Variants in B3GALT1 observed in about 807,000 individuals in gnomAD.
The protein encoded by B3GALT1 is UDP-Gal:betaGlcNAc beta 1,3-galactosyltransferase, polypeptide 1.
In B3GALT1, 10 loss-of-function variants were observed where a neutral mutation model predicts 23.2. That is an observed-to-expected ratio of 0.43 (90% CI 0.27 to 0.73). The LOEUF (loss-of-function observed/expected upper bound fraction) is 0.73, where lower values mean the gene tolerates loss of function less well. Among genes scored for constraint, B3GALT1 ranks in the 30% least tolerant of loss-of-function variants. B3GALT1 has a pLI of 0.21. For missense variants in B3GALT1, 299 were observed against 405.4 expected (o/e 0.74, Z 2.25); for synonymous variants, 156 against 141.5 (o/e 1.10, Z -0.73).
Position 167,670,771 on chromosome 2 carries a change from T to C in B3GALT1, c.-352+23805T>C, listed in dbSNP as rs1294894271. Among the ~76,000 whole-genome samples, 4 of 151,886 alleles carry C rather than the reference T, an allele frequency of 2.6e-5. No homozygotes were observed. In the East Asian group the frequency reaches 7.7e-4, roughly 29 times the overall value. On this transcript the variant is annotated intron_variant, in intron 3 of 4. Coordinates refer to ENST00000392690, the MANE Select transcript of B3GALT1 (RefSeq NM_020981.4). ...AGAGTAAGTGAAATAAAAAATACAA[T>C]AGAGAGCTTTAATAGCAGGCTAAAT... is the stretch of plus-strand genomic sequence containing the variant.
chr2:167,719,559 T>C lies in B3GALT1; in HGVS notation c.-352+72593T>C, dbSNP rs866769126. On this transcript the variant is annotated intron_variant, in intron 3 of 4. Transcript: ENST00000392690. ...TTATACCTGCAGAGGAAAAGCTTGT[T>C]GGTCACTAGATACAACTGCTTTGTT... 6.6e-5 allele frequency among the ~76,000 whole-genome samples: 10 copies of C among 152,340 alleles called. 1 individual carries two copies. The highest frequency in any genetic ancestry group is 6.8e-3 in the Middle Eastern group (2 of 294).
At chr2:167,689,818 C>T (rs1686681382) in intron 3 of B3GALT1, among the ~76,000 whole-genome samples, 1 of 152,048 alleles carries the variant, frequency 6.6e-6, no homozygotes, top group Non-Finnish European at 1.5e-5. Context: ...ACAGGATCTG[C>T]TGTTGCATTG....
At chr2:167,378,907 A>G (rs879837994) in intron 1 of B3GALT1, among the ~76,000 whole-genome samples, 4 of 152,172 alleles carry the variant, frequency 2.6e-5, no homozygotes, top group South Asian at 2.1e-4. Flanking sequence ...CAAGGTGCCA[A>G]AATACTTGCA....
chr2:167,361,033 A>G (rs1174924641), intron 1 of B3GALT1, among the ~76,000 whole-genome samples: 3 of 152,160 alleles, frequency 2.0e-5, no homozygotes, highest in African/African-American at 7.2e-5. Context: ...AAAAGATCAC[A>G]GGATTTCATT....
intron 2 of B3GALT1, among the ~76,000 whole-genome samples, chr2:167,549,558 A>G (rs192992390): frequency 1.3e-5 from 2 of 152,264 alleles, no homozygotes; most frequent in Non-Finnish European, 2.9e-5. Flanking sequence ...TCTTACCTAC[A>G]TCTTTATGAA....
chr2:167,697,538 G>A (rs1462358719), intron 3 of B3GALT1, among the ~76,000 whole-genome samples: 1 of 152,166 alleles, frequency 6.6e-6, no homozygotes. Context: ...TCACTTACAA[G>A]GAGTTTGTCA....
At chr2:167,375,349 G>A (rs958917964) in intron 1 of B3GALT1, among the ~76,000 whole-genome samples, 2 of 151,896 alleles carry the variant, frequency 1.3e-5, no homozygotes, top group Non-Finnish European at 2.9e-5. Context: ...ATGAATTTTA[G>A]CATAGTTTTT....
chr2:167,866,588 C>T (rs1470256613), intron 4 of B3GALT1, among the ~76,000 whole-genome samples: 4 of 152,106 alleles, frequency 2.6e-5, no homozygotes, highest in Admixed American at 2.0e-4. Flanking sequence ...GTGAAATGAA[C>T]TCTGTAGACA....
chr2:167,553,077 T>C (rs754716447), intron 2 of B3GALT1, among the ~76,000 whole-genome samples: 4 of 152,184 alleles, frequency 2.6e-5, no homozygotes, highest in Non-Finnish European at 4.4e-5. Flanking sequence ...ATCATCATCA[T>C]TAAAATATTT....
intron 1 of B3GALT1, among the ~76,000 whole-genome samples, chr2:167,329,115 A>G (rs1696935999): frequency 6.6e-6 from 1 of 152,158 alleles, no homozygotes; most frequent in Non-Finnish European, 1.5e-5. Flanking sequence ...GCCTGGTCAC[A>G]GTCTTTATAC....
intron 2 of B3GALT1, among the ~76,000 whole-genome samples, chr2:167,563,135 A>G (rs903207777): frequency 3.3e-5 from 5 of 151,728 alleles, no homozygotes; most frequent in Non-Finnish European, 5.9e-5. Flanking sequence ...CGCCATTGTC[A>G]TCATGGCCCG....
At chr2:167,350,847 T>C (rs1352938752) in intron 1 of B3GALT1, among the ~76,000 whole-genome samples, 1 of 152,244 alleles carries the variant, frequency 6.6e-6, no homozygotes, top group East Asian at 1.9e-4. Flanking sequence ...GGTATGCATG[T>C]TGACTGTTCT....
At chr2:167,803,727 T>G (rs542338682) in intron 3 of B3GALT1, among the ~76,000 whole-genome samples, 10 of 152,140 alleles carry the variant, frequency 6.6e-5, no homozygotes, top group Admixed American at 2.6e-4. Flanking sequence ...GAAAGAACAT[T>G]CAGTCCATTT....
intron 3 of B3GALT1, among the ~76,000 whole-genome samples, chr2:167,739,927 C>CAA (rs1291441484): frequency 1.4e-3 from 93 of 66,230 alleles, no homozygotes; most frequent in East Asian, 2.1e-3. Context: ...GTTGTCTCTA[C>CAA]AAAAAAACAA....
intron 1 of B3GALT1, among the ~76,000 whole-genome samples, chr2:167,389,913 A>C (rs1697990756): frequency 7.4e-6 from 1 of 134,526 alleles, no homozygotes; most frequent in Non-Finnish European, 1.5e-5. Flanking sequence ...CCTGTCCAAA[A>C]AAAAAAAAAA....
chr2:167,366,993 A>T (rs145859054), intron 1 of B3GALT1, among the ~76,000 whole-genome samples: 153 of 152,324 alleles, frequency 1.0e-3, no homozygotes, highest in African/African-American at 3.5e-3. Flanking sequence ...TCTACTGGTT[A>T]AATATCGTCA....
intron 3 of B3GALT1, among the ~76,000 whole-genome samples, chr2:167,663,812 G>GT (rs1259327253): frequency 2.0e-5 from 3 of 152,022 alleles, no homozygotes; most frequent in Admixed American, 6.6e-5. Flanking sequence ...GGGGTTCTTT[G>GT]TTTTTTTCTT....
intron 4 of B3GALT1, among the ~76,000 whole-genome samples, chr2:167,857,147 T>C (rs1289680186): frequency 6.6e-6 from 1 of 152,142 alleles, no homozygotes. Context: ...TACCTTAATG[T>C]TTCTTTGATT....
intron 1 of B3GALT1, among the ~76,000 whole-genome samples, chr2:167,401,296 T>C (rs1698185163): frequency 6.6e-6 from 1 of 152,106 alleles, no homozygotes; most frequent in Non-Finnish European, 1.5e-5. Context: ...AATTTTCAGC[T>C]CAATTGGAGT....
Sources: gnomAD v4.1 joint callset for allele counts (sites outside exome capture counted in the v4.1 genomes callset) on GRCh38, gnomAD v4.1.1 for gene constraint, MANE v1.5 for transcripts, NCBI Gene and HGNC (gene_info 2026-07-23, HGNC 2026-07-21) for gene names.